Variants in ANK2 observed in about 807,000 individuals in gnomAD.
ANK2 encodes the protein ankyrin-2.
ANK2 carries 83 observed loss-of-function variants against 360.5 expected under a neutral mutation model. The observed-to-expected ratio is 0.23, with a 90% confidence interval of 0.19 to 0.28. ANK2 has a LOEUF of 0.28. ANK2 is among the 10% of genes least tolerant of loss of function. The pLI is 1.00. For synonymous variants in ANK2, 1,740 were observed against 1,759.5 expected (o/e 0.99, Z 0.28); for missense variants, 4,201 against 4,795.7 (o/e 0.88, Z 3.66).
intron 43 of ANK2, chr4:113,372,534 A>G: frequency 2.0e-6 from 3 of 1,532,196 alleles, no homozygotes; most frequent in Non-Finnish European, 2.6e-6. Flanking sequence ...TTCCACCAGG[A>G]GCTAACAGAG....
Position 113,367,991 on chromosome 4 carries a change from A to G in ANK2, c.11318+140A>G, listed in dbSNP as rs55966162. ...AACACAAGTGCCAGAGCTAAAGGGGAAAAAAAAAGCGTTAACATGTAAGAG... is the reference window on the plus strand; with the variant it reads ...AACACAAGTGCCAGAGCTAAAGGGGGAAAAAAAAGCGTTAACATGTAAGAG... On this transcript the variant is annotated intron_variant, in intron 42 of 45. Coordinates refer to ENST00000357077, the MANE Select transcript of ANK2 (RefSeq NM_001148.6). 0.045 allele frequency: 42,791 copies of G among 955,404 alleles called. 1,265 individuals are homozygous for G. The highest frequency in any genetic ancestry group is 0.1 in the Middle Eastern group (298 of 2,946). The allele number at this position is 955,404 out of a possible 1,614,324, so 59.2% of individuals were successfully genotyped here.
At chr4:113,187,618 A>T (rs1311778861) in intron 2 of ANK2, among the ~76,000 whole-genome samples, 1 of 152,240 alleles carries the variant, frequency 6.6e-6, no homozygotes, top group Non-Finnish European at 1.5e-5. Context: ...AGAAAAGCTC[A>T]CAGAGTATAC....
In ANK2 at chr4:113,102,183, C is replaced by A. The variant is rs79492753; in HGVS notation, c.84+52371C>A. 4.9e-3 allele frequency among the ~76,000 whole-genome samples: 747 copies of A among 151,698 alleles called. 15 individuals are homozygous for A. Among genetic ancestry groups the A allele is most frequent in the East Asian group, 0.033 (171 of 5,154 alleles). ...TGGTTATAGACCTGGTGAGCAGCAGCGGTGGCTGGTGGCTGTGGGGATGAA... is the reference window on the plus strand; with the variant it reads ...TGGTTATAGACCTGGTGAGCAGCAGAGGTGGCTGGTGGCTGTGGGGATGAA... On this transcript the variant is annotated intron_variant, in intron 1 of 45. Coordinates refer to ENST00000357077, the MANE Select transcript of ANK2 (RefSeq NM_001148.6).
At chr4:112,846,310 C>T (rs2063289280) in intron 1 of ANK2, among the ~76,000 whole-genome samples, 1 of 151,986 alleles carries the variant, frequency 6.6e-6, no homozygotes, top group Admixed American at 6.6e-5. Flanking sequence ...CAGGGTTTTG[C>T]TACGTTGCCC....
intron 22 of ANK2, among the ~76,000 whole-genome samples, chr4:113,296,949 A>T (rs763479911): frequency 1.3e-5 from 2 of 152,218 alleles, no homozygotes; most frequent in African/African-American, 2.4e-5. Context: ...TACTGAATAA[A>T]TTAGTAAAAT....
intron 1 of ANK2, chr4:112,827,076 T>C (rs1401714743): frequency 4.3e-6 from 5 of 1,168,574 alleles, no homozygotes; most frequent in South Asian, 1.2e-5. Flanking sequence ...TGATCACCCA[T>C]GCAACACAGG....
the ANK2 span, among the ~76,000 whole-genome samples, chr4:112,714,625 G>C: frequency 6.6e-6 from 1 of 152,130 alleles, no homozygotes; most frequent in African/African-American, 2.4e-5. Flanking sequence ...AAAAGACAAA[G>C]TAATATGTCA....
intron 10 of ANK2, among the ~76,000 whole-genome samples, chr4:113,254,946 A>G (rs1003210452): frequency 6.6e-6 from 1 of 150,740 alleles, no homozygotes; most frequent in African/African-American, 2.4e-5. Flanking sequence ...CTAAGTTTAC[A>G]TATTGTTTCC....
intron 1 of ANK2, among the ~76,000 whole-genome samples, chr4:113,102,103 A>G (rs911531694): frequency 2.0e-5 from 3 of 152,116 alleles, no homozygotes; most frequent in African/African-American, 7.2e-5. Flanking sequence ...ACACTGTTAC[A>G]CTGAGAGGAA....
rs759472794 is a variant in ANK2, at chr4:113,353,218, G to A, written c.4600G>A (p.Val1534Met). Residue 1534 changes from valine to methionine, a missense_variant, in exon 38 of 46, where the codon GTG (valine) becomes ATG (methionine). By Grantham distance (21) the Val-to-Met change is conservative. Around this residue, in one of 4 missense-constraint regions of ANK2, gnomAD observed 1,268 missense variants for 1,650.8 expected, o/e 0.77. Coordinates refer to ENST00000357077, the MANE Select transcript of ANK2 (RefSeq NM_001148.6). Reference protein sequence around the residue: ...DVSDKAGSIKVKELVKAAEEE... With the variant: ...DVSDKAGSIKMKELVKAAEEE... ...GTCTGATAAGGCAGGTTCTATTAAA[G>A]TGAAGGAGCTGGTGAAGGCTGCTGA... 2.5e-6 allele frequency: 4 copies of A among 1,614,050 alleles called. No individual in the cohort carries two copies. The highest frequency in any genetic ancestry group is 3.4e-6 in the Non-Finnish European group (4 of 1,179,948).
At chr4:113,319,586 A>G (rs1018189603) in intron 26 of ANK2, among the ~76,000 whole-genome samples, 6 of 151,900 alleles carry the variant, frequency 3.9e-5, no homozygotes, top group Non-Finnish European at 8.8e-5. Context: ...GAGTTCCAAC[A>G]TATTTTAGTT....
chr4:113,175,184 G>A (rs1249716203), intron 2 of ANK2, among the ~76,000 whole-genome samples: 1 of 152,098 alleles, frequency 6.6e-6, no homozygotes, highest in Admixed American at 6.5e-5. Flanking sequence ...GTATGTGTTT[G>A]ACAGAGACCT....
At chr4:113,326,353 G>A (rs2089907975) in intron 26 of ANK2, among the ~76,000 whole-genome samples, 1 of 151,996 alleles carries the variant, frequency 6.6e-6, no homozygotes, top group Non-Finnish European at 1.5e-5. Context: ...CTATAAACTT[G>A]AGTTATTTTT....
the ANK2 span, among the ~76,000 whole-genome samples, chr4:112,732,043 G>A: frequency 1.3e-5 from 2 of 152,124 alleles, no homozygotes; most frequent in Admixed American, 6.6e-5. Flanking sequence ...AATTCTATAA[G>A]CTAGTTGACT....
chr4:113,097,636 G>T (rs1191198291), intron 1 of ANK2, among the ~76,000 whole-genome samples: 1 of 151,940 alleles, frequency 6.6e-6, no homozygotes, highest in Non-Finnish European at 1.5e-5. Flanking sequence ...TTGCCCAAGG[G>T]CTGACTCTGT....
chr4:112,877,578 C>T (rs918278520), intron 1 of ANK2, among the ~76,000 whole-genome samples: 4 of 152,166 alleles, frequency 2.6e-5, no homozygotes, highest in African/African-American at 9.7e-5. Context: ...GGATAGGATA[C>T]AGAATTTTCA....
chr4:113,334,425 C>T (rs762547774), intron 29 of ANK2, among the ~76,000 whole-genome samples: 13 of 152,128 alleles, frequency 8.5e-5, no homozygotes, highest in Admixed American at 4.6e-4. Context: ...CTATCAATGA[C>T]ACTGCCAGTG....
At chr4:113,215,723 T>C (rs887510173) in intron 4 of ANK2, among the ~76,000 whole-genome samples, 2 of 152,192 alleles carry the variant, frequency 1.3e-5, no homozygotes, top group Non-Finnish European at 2.9e-5. Flanking sequence ...AGCACTGTTC[T>C]AGCTCTGAGA....
rs977443439 is a variant in ANK2 at position 113,336,595 on chromosome 4, G to A, written c.3610G>A (p.Glu1204Lys). Reference protein sequence around the residue: ...VGLQAQPMHSELVKKILGNKA... With the variant: ...VGLQAQPMHSKLVKKILGNKA... Reference sequence around the variant, plus strand: ...TGAAAAGGCTCAACCTATGCACAGTGAGCTGGTTAAGAAGATCCTAGGCAA... The same window carrying A: ...TGAAAAGGCTCAACCTATGCACAGTAAGCTGGTTAAGAAGATCCTAGGCAA... Residue 1204 changes from glutamate (E) to lysine (K), a missense_variant, in exon 31 of 46, where the codon GAG (glutamate) becomes AAG (lysine). Physicochemically the swap from Glu to Lys is moderately conservative, Grantham distance 56. This residue lies in a region of ANK2 where 1,268 missense variants were observed against 1,650.8 expected (regional missense o/e 0.77). Transcript: ENST00000357077. 2 of 1,614,072 alleles carry A rather than the reference G, an allele frequency of 1.2e-6. No homozygotes were observed. Among genetic ancestry groups the A allele is most frequent in the African/African-American group, 2.7e-5 (2 of 75,042 alleles).
Sources: allele counts gnomAD v4.1 joint callset (sites outside exome capture counted in the v4.1 genomes callset), GRCh38; gene constraint gnomAD v4.1.1; regional missense constraint gnomAD v4.1.1; transcripts MANE v1.5; gene names NCBI Gene and HGNC (gene_info 2026-07-23, HGNC 2026-07-21).